The following ANKRD45 variants were observed in gnomAD, a reference collection of about 807,000 sequenced individuals.
ANKRD45 encodes ankyrin repeat domain 45.
In ANKRD45, 21 loss-of-function variants were observed where a neutral mutation model predicts 28.1. The ratio of observed to expected loss-of-function variants is 0.75; its 90% CI spans 0.53 to 1.08. ANKRD45 has a LOEUF of 1.08. Among genes scored for constraint, ANKRD45 ranks in the 50% least tolerant of loss-of-function variants. The probability of loss-of-function intolerance (pLI) is 0.00; values close to 1 mark genes in which losing one functional copy is unlikely to be tolerated. For missense variants in ANKRD45, 261 were observed against 308.7 expected, an observed-to-expected ratio of 0.85 and a Z score of 1.16; for synonymous variants, 86 against 103.9, an observed-to-expected ratio of 0.83 and a Z score of 1.05.
At chr1:173,660,716 A>G (rs1242328558) in intron 1 of ANKRD45, among the ~76,000 whole-genome samples, 1 of 152,228 alleles carries the variant, frequency 6.6e-6, no homozygotes, top group African/African-American at 2.4e-5. Flanking sequence ...TTCAACAGCC[A>G]GTAAGAATCA....
intron 1 of ANKRD45, among the ~76,000 whole-genome samples, chr1:173,665,203 T>C (rs1669956152): frequency 6.6e-6 from 1 of 152,104 alleles, no homozygotes; most frequent in African/African-American, 2.4e-5. Flanking sequence ...TAGGTCTTGC[T>C]ACATTGCACA....
In ANKRD45 at chr1:173,659,189, C is replaced by A. The variant is rs751645113; in HGVS notation, c.230G>T (p.Gly77Val). ...MQLLLEEDIV[G>V]RNLLYAACMA... is the part of the protein sequence containing the mutation. ...GCAAGCTGCATACAACAAATTTCTC[C>A]CAACGATGTCTTCTTCTAAGAGAAG... The change falls in exon 2 of 6, where the codon GGG becomes GTG. Residue 77 changes from glycine to valine, a missense_variant. Physicochemically the swap from Gly to Val is moderately radical, Grantham distance 109 (BLOSUM62 -3). Coordinates refer to ENST00000333279, the MANE Select transcript of ANKRD45 (RefSeq NM_198493.3). The A allele has an allele frequency of 1.1e-5, 18 of 1,614,034 alleles. 1 individual carries two copies. The East Asian group carries it at 4.0e-4, about 36-fold the overall frequency.
At chr1:173,653,862 C>A (rs1027935386) in intron 2 of ANKRD45, among the ~76,000 whole-genome samples, 1 of 150,270 alleles carries the variant, frequency 6.7e-6, no homozygotes, top group Non-Finnish European at 1.5e-5. Context: ...ATAGCCTTAT[C>A]TCTTTTGATC....
intron 2 of ANKRD45, among the ~76,000 whole-genome samples, chr1:173,654,986 T>C (rs1225897475): frequency 1.3e-5 from 2 of 152,220 alleles, no homozygotes; most frequent in African/African-American, 4.8e-5. Context: ...TTATTCTAGT[T>C]AGCCATTCGT....
intron 1 of ANKRD45, among the ~76,000 whole-genome samples, chr1:173,666,616 T>C (rs559653482): frequency 1.1e-4 from 17 of 152,322 alleles, no homozygotes; most frequent in Non-Finnish European, 1.9e-4. Context: ...AAAGTCTGTA[T>C]ACGTTTAGTA....
the ANKRD45 span, among the ~76,000 whole-genome samples, chr1:173,714,299 C>T: frequency 3.0e-4 from 46 of 152,170 alleles, no homozygotes; most frequent in African/African-American, 1.1e-3. Flanking sequence ...TAAAAATATA[C>T]TTTTTTGGCT....
chr1:173,702,895 T>A, the ANKRD45 span, among the ~76,000 whole-genome samples: 1 of 152,080 alleles, frequency 6.6e-6, no homozygotes, highest in East Asian at 1.9e-4. Context: ...CTGGCTAATT[T>A]TTTTATTTCT....
the ANKRD45 span, among the ~76,000 whole-genome samples, chr1:173,705,540 G>A: frequency 3.3e-5 from 5 of 150,714 alleles, no homozygotes; most frequent in African/African-American, 9.7e-5. Flanking sequence ...GGTGGCATGC[G>A]CCCGTAGTCC....
At chr1:173,713,454 G>A in the ANKRD45 span, among the ~76,000 whole-genome samples, 2 of 152,152 alleles carry the variant, frequency 1.3e-5, no homozygotes, top group Non-Finnish European at 2.9e-5. Flanking sequence ...TAAAGCTAAT[G>A]AGAGACCACC....
At chr1:173,642,712 G>GT (rs1484664093) in intron 3 of ANKRD45, among the ~76,000 whole-genome samples, 1 of 152,208 alleles carries the variant, frequency 6.6e-6, no homozygotes, top group Non-Finnish European at 1.5e-5. Flanking sequence ...ATTTGTAAGT[G>GT]TTTTTGCCTC....
At chr1:173,714,137 T>C in the ANKRD45 span, among the ~76,000 whole-genome samples, 36 of 152,240 alleles carry the variant, frequency 2.4e-4, no homozygotes, top group Non-Finnish European at 5.0e-4. Context: ...TAGCCTAGTA[T>C]ACTTACCAGG....
intron 4 of ANKRD45, among the ~76,000 whole-genome samples, chr1:173,625,165 A>G (rs1328258692): frequency 2.6e-5 from 4 of 152,190 alleles, no homozygotes; most frequent in Non-Finnish European, 5.9e-5. Context: ...AAATTTGAAT[A>G]GTCACATGTG....
At chr1:173,710,120 T>G in the ANKRD45 span, among the ~76,000 whole-genome samples, 1 of 151,408 alleles carries the variant, frequency 6.6e-6, no homozygotes, top group African/African-American at 2.4e-5. Flanking sequence ...AGCCCAAGAG[T>G]TCAAGACCAG....
At chr1:173,706,892 T>G in the ANKRD45 span, among the ~76,000 whole-genome samples, 2 of 152,178 alleles carry the variant, frequency 1.3e-5, no homozygotes, top group African/African-American at 4.8e-5. Context: ...TTTATCATTT[T>G]GCACACACTG....
intron 3 of ANKRD45, among the ~76,000 whole-genome samples, chr1:173,630,143 C>T (rs1193317679): frequency 6.6e-6 from 1 of 152,096 alleles, no homozygotes; most frequent in African/African-American, 2.4e-5. Flanking sequence ...CTAGACTTGT[C>T]CTAGAAGAAA....
At chr1:173,628,702 G>C (rs1453787042) in intron 3 of ANKRD45, among the ~76,000 whole-genome samples, 2 of 152,186 alleles carry the variant, frequency 1.3e-5, no homozygotes, top group Non-Finnish European at 2.9e-5. Context: ...CAGAGCCTGG[G>C]GGAACTTGTT....
intron 3 of ANKRD45, among the ~76,000 whole-genome samples, chr1:173,629,526 T>A (rs1167420166): frequency 6.6e-6 from 1 of 151,992 alleles, no homozygotes; most frequent in African/African-American, 2.4e-5. Flanking sequence ...AAACAATGCA[T>A]GAGAGTCTCT....
chr1:173,656,313 T>C (rs1669508935), intron 2 of ANKRD45, among the ~76,000 whole-genome samples: 1 of 152,244 alleles, frequency 6.6e-6, no homozygotes. Flanking sequence ...GAATAAGATC[T>C]TTATTTGTAT....
intron 2 of ANKRD45, among the ~76,000 whole-genome samples, chr1:173,650,796 T>C (rs142541602): frequency 0.062 from 9,448 of 152,268 alleles, 470 homozygotes; most frequent in South Asian, 0.12. Context: ...TTCTAACTGG[T>C]GTGAGATGGT....
Sources: gnomAD v4.1 joint callset for allele counts (sites outside exome capture counted in the v4.1 genomes callset) on GRCh38, gnomAD v4.1.1 for gene constraint, MANE v1.5 for transcripts, NCBI Gene and HGNC (gene_info 2026-07-23, HGNC 2026-07-21) for gene names.